The following THAP4 variants were observed in gnomAD, a reference collection of about 807,000 sequenced individuals.
The protein encoded by THAP4 is THAP domain containing 4.
Under a neutral mutation model 48.1 loss-of-function variants are expected in THAP4, and 18 were observed. The observed-to-expected ratio is 0.37, with a 90% confidence interval of 0.26 to 0.56. The LOEUF (loss-of-function observed/expected upper bound fraction) is 0.56. Among genes scored for constraint, THAP4 ranks in the 20% least tolerant of loss-of-function variants. THAP4 has a pLI of 0.78. For missense variants in THAP4, 656 were observed against 774.9 expected (o/e 0.85, Z 1.82); for synonymous variants, 345 against 324.9 (o/e 1.06, Z -0.66).
intron 5 of THAP4, among the ~76,000 whole-genome samples, chr2:241,593,146 G>A (rs1160314548): frequency 6.6e-6 from 1 of 152,148 alleles, no homozygotes; most frequent in Non-Finnish European, 1.5e-5. Flanking sequence ...TTGGGAGGAA[G>A]ATGTGGGAGA....
At chr2:241,600,249 C>G (rs4675920) in intron 5 of THAP4, among the ~76,000 whole-genome samples, 109,101 of 152,172 alleles carry the variant, frequency 0.72, 39,579 homozygotes, top group East Asian at 0.89. Context: ...TGTGGATGTG[C>G]TTTAATGTAT....
intron 5 of THAP4, among the ~76,000 whole-genome samples, chr2:241,590,288 G>A (rs202095505): frequency 1.8e-3 from 52 of 28,724 alleles, no homozygotes; most frequent in African/African-American, 2.7e-3. Flanking sequence ...GACACTCAGA[G>A]CTGCCCGGCT....
At chr2:241,615,190 G>A (rs1357205662) in intron 2 of THAP4, among the ~76,000 whole-genome samples, 8 of 152,254 alleles carry the variant, frequency 5.3e-5, no homozygotes, top group African/African-American at 1.2e-4. Context: ...GAATCTGAAC[G>A]GTGACGGGGA....
In THAP4 at chr2:241,610,408, G is replaced by A. The variant is rs1204308355; in HGVS notation, c.1241-3935C>T. ...CGCGCCCTGTTTGGGGAGCGGCAGAGGAGTCAGGGCGGAGGCTGGGCGGCG... is the reference window on the plus strand; with the variant it reads ...CGCGCCCTGTTTGGGGAGCGGCAGAAGAGTCAGGGCGGAGGCTGGGCGGCG... On this transcript the variant is annotated intron_variant, in intron 2 of 5. Transcript: ENST00000407315. This position sits in a 1 kb window ranked among gnomAD's most constrained non-coding sequence, Gnocchi z 4.2. Among the ~76,000 whole-genome samples, 1 of 152,224 alleles carries A rather than the reference G, an allele frequency of 6.6e-6. No homozygotes were observed. The highest frequency in any genetic ancestry group is 1.5e-5 in the Non-Finnish European group (1 of 68,038).
At chr2:241,606,609 G>A in intron 2 of THAP4, 136 bp from the exon 3 acceptor site, 2 of 830,160 alleles carry the variant, frequency 2.4e-6, no homozygotes, top group Non-Finnish European at 3.6e-6. Flanking sequence ...TCAAGAGCGG[G>A]AGAAAATGGT....
chr2:241,609,900 G>A (rs1418823137), intron 2 of THAP4, among the ~76,000 whole-genome samples: 1 of 152,232 alleles, frequency 6.6e-6, no homozygotes. Context: ...TCCTGGGACC[G>A]GGTGGACCCA....
At position 241,606,465 on chromosome 2, in the gene THAP4, T is replaced by G. The variant is rs532091304; in HGVS notation, c.1249A>C (p.Lys417Gln). ...AGTGGCTCCACCACTGGGTTCATCT[T>G]GGGGGGCTCTGAGGACAAAAGAATG... ...SLLSPSREPP[K>Q]MNPVVEPLSW... The change falls in exon 3 of 6, where the codon AAG (lysine) becomes CAG (glutamine). Residue 417 changes from lysine (K) to glutamine (Q), a missense_variant. Transcript: ENST00000407315. 4 of 1,603,394 alleles carry G rather than the reference T, an allele frequency of 2.5e-6. 1 individual carries two copies. Among genetic ancestry groups the G allele is most frequent in the South Asian group, 1.1e-5 (1 of 89,228 alleles).
At chr2:241,599,832 C>T (rs1304920075) in intron 5 of THAP4, among the ~76,000 whole-genome samples, 3 of 152,236 alleles carry the variant, frequency 2.0e-5, no homozygotes, top group East Asian at 3.9e-4. Context: ...ATGTGGGAAA[C>T]GTTCCCTTAG....
intron 5 of THAP4, among the ~76,000 whole-genome samples, chr2:241,595,594 G>A (rs572607326): frequency 3.4e-4 from 51 of 151,528 alleles, no homozygotes; most frequent in African/African-American, 9.7e-4. Context: ...CTGAGATGGC[G>A]CCACTGCACT....
chr2:241,610,288 G>A lies in THAP4; in HGVS notation c.1241-3815C>T, dbSNP rs2067250402. On this transcript the variant is annotated intron_variant, in intron 2 of 5. Transcript: ENST00000407315. The surrounding 1 kb of genome is among the most constrained non-coding windows in gnomAD (Gnocchi z 4.2). ...AGCCTCCGCCGGCCCCGCCCCGGAA[G>A]CGCAGCCCCGCCTCAGGCGCCGCAT... Among the ~76,000 whole-genome samples the A allele has an allele frequency of 6.6e-6, 1 of 152,090 alleles. No individual in the cohort carries two copies. The highest frequency in any genetic ancestry group is 2.4e-5 in the African/African-American group (1 of 41,422).
At chr2:241,590,689 G>A (rs2066957408) in intron 5 of THAP4, among the ~76,000 whole-genome samples, 3 of 151,888 alleles carry the variant, frequency 2.0e-5, no homozygotes, top group Admixed American at 6.5e-5. Flanking sequence ...CTCGGCTGAT[G>A]ATGATGGGCA....
intron 2 of THAP4, among the ~76,000 whole-genome samples, chr2:241,617,706 C>T (rs970959712): frequency 1.3e-5 from 2 of 152,128 alleles, no homozygotes; most frequent in Non-Finnish European, 2.9e-5. Context: ...GTGACGAGTG[C>T]GGCTTCTACC....
At chr2:241,622,988 C>A (rs575795183) in intron 2 of THAP4, among the ~76,000 whole-genome samples, 1 of 151,906 alleles carries the variant, frequency 6.6e-6, no homozygotes, top group East Asian at 1.9e-4. Context: ...GAGGCCGAGG[C>A]GGGCGGATCA....
intron 1 of THAP4, among the ~76,000 whole-genome samples, chr2:241,635,566 G>A (rs781179712): frequency 5.3e-5 from 8 of 152,006 alleles, no homozygotes; most frequent in Non-Finnish European, 1.0e-4. Context: ...GCCAGAGTTC[G>A]AGACCAGCCT....
chr2:241,607,578 G>A (rs1012272911), intron 2 of THAP4, among the ~76,000 whole-genome samples: 6 of 151,328 alleles, frequency 4.0e-5, no homozygotes, highest in African/African-American at 1.5e-4. Flanking sequence ...CAGCAGCAGG[G>A]ACAGAAGCAG....
upstream of THAP4, chr2:241,637,221 C>A: frequency 1.0e-6 from 1 of 992,972 alleles, no homozygotes; most frequent in Non-Finnish European, 1.2e-6. Context: ...TCCTCGCCAG[C>A]CGCGGGTTCG....
chr2:241,617,290 C>A, intron 2 of THAP4: 1 of 745,240 alleles, frequency 1.3e-6, no homozygotes, highest in Non-Finnish European at 2.3e-6. Flanking sequence ...CTAGGCATTT[C>A]TTTTCTGATT....
At chr2:241,621,637 T>C (rs2067430126) in intron 2 of THAP4, among the ~76,000 whole-genome samples, 1 of 151,712 alleles carries the variant, frequency 6.6e-6, no homozygotes, top group Admixed American at 6.6e-5. Flanking sequence ...AATCAGAATA[T>C]TGGAGAATTG....
At chr2:241,608,204 A>G (rs994979924) in intron 2 of THAP4, among the ~76,000 whole-genome samples, 3 of 152,198 alleles carry the variant, frequency 2.0e-5, no homozygotes, top group Non-Finnish European at 4.4e-5. Context: ...AGGGCCGCAC[A>G]TGTGGCCTGG....
Sources: allele counts gnomAD v4.1 joint callset (sites outside exome capture counted in the v4.1 genomes callset), GRCh38; gene constraint gnomAD v4.1.1; non-coding constraint Gnocchi (gnomAD v3.1); transcripts MANE v1.5; gene names NCBI Gene and HGNC (gene_info 2026-07-23, HGNC 2026-07-21).